Variants in DENND6B observed in about 807,000 individuals in gnomAD.
DENND6B encodes protein DENND6B.
Under a neutral mutation model 85.1 loss-of-function variants are expected in DENND6B, and 73 were observed. The observed-to-expected ratio is 0.86, with a 90% CI of 0.71 to 1.04. DENND6B has a LOEUF of 1.04. Among genes scored for constraint, DENND6B ranks in the 50% least tolerant of loss-of-function variants. The pLI, the probability that DENND6B is intolerant of heterozygous loss-of-function variation, is 0.00. For synonymous variants in DENND6B, 357 were observed against 329.3 expected, an observed-to-expected ratio of 1.08 and a Z score of -0.91; for missense variants, 715 against 785.8, an observed-to-expected ratio of 0.91 and a Z score of 1.08.
At position 50,316,674 on chromosome 22, in the gene DENND6B, A is replaced by G. The variant is rs771743756; in HGVS notation, c.454-199T>C. ...TAGACAGGAGAAAACCCAACACTGA[A>G]CTCCCTGGGTGGCGGCCGGTGGGGC... On this transcript the variant is annotated intron_variant, in intron 5 of 19. Transcript: ENST00000413817. 4.9e-5 allele frequency: 73 copies of G among 1,497,540 alleles called. 1 individual carries two copies. The highest frequency in any genetic ancestry group is 3.4e-4 in the Middle Eastern group (2 of 5,812). 92.8% of individuals were successfully genotyped at this position (1,497,540 alleles called of 1,614,324 possible).
At chr22:50,326,222 G>A (rs1415139777) in intron 1 of DENND6B, among the ~76,000 whole-genome samples, 3 of 152,236 alleles carry the variant, frequency 2.0e-5, no homozygotes, top group Non-Finnish European at 4.4e-5. Flanking sequence ...AGACCCCCAC[G>A]AGCAAGAACA....
At chr22:50,317,433 G>A (rs984555932) in intron 4 of DENND6B, 60 bp from the exon 5 acceptor site, 45 of 1,585,614 alleles carry the variant, frequency 2.8e-5, no homozygotes, top group Non-Finnish European at 3.6e-5. Context: ...CCAGCCCCAG[G>A]GCTGGGAGTG....
intron 1 of DENND6B, among the ~76,000 whole-genome samples, chr22:50,319,881 G>C (rs1353476413): frequency 3.9e-5 from 6 of 152,402 alleles, no homozygotes; most frequent in East Asian, 1.9e-4. Flanking sequence ...CAGTGGAGGA[G>C]AGCATGATGC....
Position 50,316,271 on chromosome 22 carries a change from C to G in DENND6B, c.560-18G>C. 3.8e-6 allele frequency: 6 copies of G among 1,583,754 alleles called. No individual in the cohort carries two copies. The highest frequency in any genetic ancestry group is 5.1e-6 in the Non-Finnish European group (6 of 1,165,548). On this transcript the variant is annotated intron_variant, in intron 6 of 19. Coordinates refer to ENST00000413817, the MANE Select transcript of DENND6B (RefSeq NM_001001794.4). ...ACTGCACACTGCGGATGCAGTAGCC[C>G]GCATCAGGACCCTCCCCAAGGAGAA...
At position 50,311,218 on chromosome 22, in the gene DENND6B, A is replaced by G; in HGVS notation, c.*921T>C. 1 of 152,092 alleles carries G rather than the reference A, an allele frequency of 6.6e-6. No homozygotes were observed. The highest frequency in any genetic ancestry group is 1.5e-5 in the Non-Finnish European group (1 of 68,044). The allele number at this position is 152,092 out of a possible 1,614,324, so 9.4% of individuals were successfully genotyped here. A position where few individuals can be genotyped will look rare whatever the true frequency, so the allele number is the denominator to read the frequency against. On this transcript the variant is annotated 3_prime_UTR_variant, in exon 20 of 20. Coordinates refer to ENST00000413817, the MANE Select transcript of DENND6B (RefSeq NM_001001794.4). ...GTGTGCTGTGCAGGGTCAACACCGTACCTCACCGGCCTCAGTGCCTGCAGG... is the reference window on the plus strand; with the variant it reads ...GTGTGCTGTGCAGGGTCAACACCGTGCCTCACCGGCCTCAGTGCCTGCAGG...
rs990806121 is a variant in DENND6B at position 50,310,174 on chromosome 22, C to T, written c.*1965G>A. ...CCAAGCCCTCAGTGGGGAGGCTGGTCCCCCTGTGCTACAGTCAGGAGGCCC... is the reference window on the plus strand; with the variant it reads ...CCAAGCCCTCAGTGGGGAGGCTGGTTCCCCTGTGCTACAGTCAGGAGGCCC... On this transcript the variant is annotated 3_prime_UTR_variant, in exon 20 of 20. Coordinates refer to ENST00000413817, the MANE Select transcript of DENND6B (RefSeq NM_001001794.4). 3 of 152,248 alleles carry T rather than the reference C, an allele frequency of 2.0e-5. No homozygotes were observed. Among genetic ancestry groups the T allele is most frequent in the Non-Finnish European group, 4.4e-5 (3 of 68,050 alleles). The allele number at this position is 152,248 out of a possible 1,614,324, so 9.4% of individuals were successfully genotyped here. A position where few individuals can be genotyped will look rare whatever the true frequency, so the allele number is the denominator to read the frequency against.
chr22:50,318,869 C>G lies in DENND6B; in HGVS notation c.237G>C (p.Leu79=). 2 of 1,613,374 alleles carry G rather than the reference C, an allele frequency of 1.2e-6. No individual in the cohort carries two copies. The highest frequency in any genetic ancestry group is 1.7e-6 in the Non-Finnish European group (2 of 1,179,730). Residue 79 remains leucine, a synonymous_variant, in exon 3 of 20, where the codon CTG becomes CTC. Transcript: ENST00000413817. ...TACCTGAGTGCGAGTCGGGAAAAGA[C>G]AGGTAGCAGATGCTGCTTTTCTGAA... ...TDKEKSSICY[L]SFPDSHSGCL... is the part of the protein sequence containing the mutation.
Position 50,312,588 on chromosome 22 carries a change from G to C in DENND6B, c.1495C>G (p.Arg499Gly). ...FKSPHFDGWY[R>G]QRHKEMALKL... ...AGGGCCATCTCCTTGTGCCGCTGCC[G>C]GTACCAGCCATCAAAATGGGGGGAC... The change falls in exon 18 of 20, where the codon CGG becomes GGG. Residue 499 changes from arginine (R) to glycine (G), a missense_variant. Coordinates refer to ENST00000413817, the MANE Select transcript of DENND6B (RefSeq NM_001001794.4). 2 of 1,588,320 alleles carry C rather than the reference G, an allele frequency of 1.3e-6. No homozygotes were observed. Among genetic ancestry groups the C allele is most frequent in the Non-Finnish European group, 8.6e-7 (1 of 1,167,798 alleles).
chr22:50,320,337 G>C (rs910812749), intron 1 of DENND6B, among the ~76,000 whole-genome samples: 1 of 152,244 alleles, frequency 6.6e-6, no homozygotes, highest in African/African-American at 2.4e-5. Flanking sequence ...TCCCGCCTGA[G>C]CCTCCTGAAG....
Position 50,313,057 on chromosome 22 carries a change from C to T in DENND6B, c.1399G>A (p.Glu467Lys), listed in dbSNP as rs201782165. ...CAGGTGAGCTGGGGCCCAGCATGCT[C>T]CAGGCTACGCAGGAAGTCATCCTGG... ...FSQDDFLRSL[E>K]HAGPQLTCIL... The change falls in exon 17 of 20, where the codon GAG becomes AAG. Residue 467 changes from glutamate to lysine, a missense_variant. By Grantham distance (56) the Glu-to-Lys change is moderately conservative (BLOSUM62 1). Transcript: ENST00000413817. 96 of 1,561,686 alleles carry T rather than the reference C, an allele frequency of 6.1e-5. No homozygotes were observed. In the Admixed American group the frequency reaches 1.8e-3, roughly 30 times the overall value.
intron 6 of DENND6B, 40 bp downstream of exon 6, chr22:50,316,330 G>A (rs935657590): frequency 6.4e-7 from 1 of 1,562,756 alleles, no homozygotes; most frequent in East Asian, 2.4e-5. Flanking sequence ...CCACAGCTGG[G>A]ATGATGAGAC....
Position 50,316,021 on chromosome 22 carries a change from C to T in DENND6B, c.702+4G>A. 6.2e-7 allele frequency: 1 copy of T among 1,612,616 alleles called. No individual in the cohort carries two copies. Among genetic ancestry groups the T allele is most frequent in the Non-Finnish European group, 8.5e-7 (1 of 1,179,800 alleles). ...TTCAGCTCCACCTCCGCCTCAGCTC[C>T]CACCTCTTGGTCAAACTGCTTCGGA... On this transcript the variant is annotated splice_donor_region_variant and intron_variant, in intron 8 of 19. Transcript: ENST00000413817.
chr22:50,311,579 C>G lies in DENND6B; in HGVS notation c.*560G>C, dbSNP rs1418234105. The G allele has an allele frequency of 6.5e-6, 1 of 154,724 alleles. No individual in the cohort carries two copies. Among genetic ancestry groups the G allele is most frequent in the African/African-American group, 2.4e-5 (1 of 41,484 alleles). 9.6% of individuals were successfully genotyped at this position (154,724 alleles called of 1,614,324 possible). On this transcript the variant is annotated 3_prime_UTR_variant, in exon 20 of 20. Transcript: ENST00000413817. The stretch of plus-strand genomic sequence containing the variant: ...CCAACCCCTACCTCCCAACAAACCA[C>G]AGCCCCAAGCAGGTGGGTGTCCAGA...
chr22:50,318,429 C>T (rs1002374472), intron 3 of DENND6B, among the ~76,000 whole-genome samples: 1 of 152,206 alleles, frequency 6.6e-6, no homozygotes, highest in Non-Finnish European at 1.5e-5. Context: ...ACACCCTGCA[C>T]CTACAAGTCT....
chr22:50,317,584 C>T (rs552646210), intron 4 of DENND6B, among the ~76,000 whole-genome samples: 1 of 152,122 alleles, frequency 6.6e-6, no homozygotes, highest in Admixed American at 6.5e-5. Flanking sequence ...CCTGCTGATA[C>T]AGCAGGGAGT....
At chr22:50,314,154 A>C (rs552925286) in intron 13 of DENND6B, 53 bp downstream of exon 13, 53 of 1,556,360 alleles carry the variant, frequency 3.4e-5, no homozygotes, top group Non-Finnish European at 4.3e-5. Flanking sequence ...CCCGCCAGGT[A>C]CAAGACAGGC....
intron 16 of DENND6B, 136 bp downstream of exon 16, chr22:50,313,308 CCA>C (rs1367086489): frequency 9.3e-6 from 12 of 1,285,434 alleles, no homozygotes; most frequent in South Asian, 1.5e-5. Context: ...CCTGTGGCCC[CCA>C]GTTTCACAAA....
intron 5 of DENND6B, chr22:50,317,090 T>TG (rs1320692422): frequency 3.3e-5 from 5 of 153,010 alleles, no homozygotes; most frequent in South Asian, 7.4e-5. Context: ...GAGGACAGGG[T>TG]GGGGGGGTGG....
rs906955125 is a variant in DENND6B at position 50,313,521 on chromosome 22, G to A, written c.1294-22C>T. On this transcript the variant is annotated intron_variant, in intron 15 of 19. Transcript: ENST00000413817. Reference sequence around the variant, plus strand: ...GCTCCTGGGTGGGGAAGGGAGGGGAGTGAGCCCGGGGACCCATGCCCCCCA... The same window carrying A: ...GCTCCTGGGTGGGGAAGGGAGGGGAATGAGCCCGGGGACCCATGCCCCCCA... 5.8e-6 allele frequency: 9 copies of A among 1,541,018 alleles called. No individual in the cohort carries two copies. In the African/African-American group the frequency reaches 9.7e-5, roughly 17 times the overall value.
Sources: gnomAD v4.1 joint callset for allele counts (sites outside exome capture counted in the v4.1 genomes callset) on GRCh38, gnomAD v4.1.1 for gene constraint, MANE v1.5 for transcripts, NCBI Gene and HGNC (gene_info 2026-07-23, HGNC 2026-07-21) for gene names.